EXT1: variants seen among roughly 807,000 people sequenced by gnomAD.
EXT1 encodes exostosin glycosyltransferase 1, also known as exostosin-1.
Under a neutral mutation model 82.5 loss-of-function variants are expected in EXT1, and 20 were observed. The observed-to-expected ratio is 0.24, with a 90% confidence interval of 0.17 to 0.35. The LOEUF is 0.35. Ranked by LOEUF, EXT1 falls within the 10% of genes least tolerant of loss-of-function variation. The pLI, the probability that EXT1 is intolerant of heterozygous loss-of-function variation, is 1.00. For missense variants in EXT1, 757 were observed against 936.5 expected (o/e 0.81, Z 2.50); for synonymous variants, 348 against 350.8 (o/e 0.99, Z 0.09).
intron 1 of EXT1, among the ~76,000 whole-genome samples, chr8:118,019,492 C>T (rs759455576): frequency 2.0e-5 from 3 of 152,200 alleles, no homozygotes; most frequent in African/African-American, 7.2e-5. Flanking sequence ...CAGCACTAAA[C>T]AGTGAGCAGA....
intron 1 of EXT1, among the ~76,000 whole-genome samples, chr8:118,020,922 C>T (rs541338973): frequency 1.3e-5 from 2 of 152,274 alleles, no homozygotes; most frequent in Non-Finnish European, 2.9e-5. Context: ...TTCGGCATCA[C>T]GTGGGGAAGA....
intron 1 of EXT1, among the ~76,000 whole-genome samples, chr8:118,103,389 C>A (rs1220360286): frequency 6.6e-6 from 1 of 152,136 alleles, no homozygotes; most frequent in Non-Finnish European, 1.5e-5. Flanking sequence ...TGGGCTCAAG[C>A]AATCCTCCCG....
In EXT1 at chr8:118,110,566, A is replaced by C. The variant is rs1817879402; in HGVS notation, c.481T>G (p.Leu161Val). The change falls in exon 1 of 11, where the codon TTA (leucine) becomes GTA (valine). Residue 161 changes from leucine (L) to valine (V), a missense_variant. Leu to Val is a conservative substitution (Grantham distance 32). This residue lies in a region of EXT1 where 247 missense variants were observed against 330.1 expected (regional missense o/e 0.75). Coordinates refer to ENST00000378204, the MANE Select transcript of EXT1 (RefSeq NM_000127.3). ...ACLFVLSLDT[L>V]DRDQLSPQYV... is the part of the protein sequence containing the mutation. ...TGAGGTGACAACTGGTCTCTGTCTA[A>C]AGTATCCAGACTCAGGACAAAGAGG... The C allele has an allele frequency of 1.2e-6, 2 of 1,614,160 alleles. No homozygotes were observed. The highest frequency in any genetic ancestry group is 8.5e-7 in the Non-Finnish European group (1 of 1,180,024).
At chr8:117,978,097 T>C (rs956483201) in intron 1 of EXT1, among the ~76,000 whole-genome samples, 1 of 152,230 alleles carries the variant, frequency 6.6e-6, no homozygotes, top group African/African-American at 2.4e-5. Flanking sequence ...CTATCTGCTC[T>C]GTCCCCAGGA....
chr8:117,945,769 C>G (rs1814375377), intron 1 of EXT1, among the ~76,000 whole-genome samples: 1 of 152,104 alleles, frequency 6.6e-6, no homozygotes, highest in Admixed American at 6.6e-5. Context: ...TCCCAAAGTG[C>G]TAGGATTAGG....
intron 1 of EXT1, among the ~76,000 whole-genome samples, chr8:117,858,766 A>AAGGAAAGAAGGAAGGAAGGCAGGC: frequency 3.7e-5 from 2 of 54,682 alleles, no homozygotes; most frequent in African/African-American, 2.0e-4. Flanking sequence ...GGAAGGAAGG[A>AAGGAAAGAAGGAAGGAAGGCAGGC]AGGCAGGCAG....
chr8:117,985,131 C>A (rs1311871548), intron 1 of EXT1, among the ~76,000 whole-genome samples: 2 of 152,100 alleles, frequency 1.3e-5, no homozygotes, highest in Non-Finnish European at 1.5e-5. Flanking sequence ...TTTTGAACAC[C>A]GAACCGCTAA....
At chr8:118,109,026 T>C (rs1817844012) in intron 1 of EXT1, among the ~76,000 whole-genome samples, 1 of 152,112 alleles carries the variant, frequency 6.6e-6, no homozygotes, top group Non-Finnish European at 1.5e-5. Context: ...CAGCCAGATG[T>C]AAGTGAGAGT....
chr8:117,967,399 T>C (rs767134126), intron 1 of EXT1, among the ~76,000 whole-genome samples: 59 of 152,214 alleles, frequency 3.9e-4, no homozygotes, highest in Middle Eastern at 3.2e-3. Context: ...ATGCTGCTCT[T>C]TCCTCAGACC....
intron 1 of EXT1, among the ~76,000 whole-genome samples, chr8:118,049,665 T>C (rs1223623539): frequency 2.0e-5 from 3 of 152,232 alleles, no homozygotes; most frequent in Non-Finnish European, 4.4e-5. Context: ...GTTCTCTGTT[T>C]GCTGTTCTTG....
At chr8:117,980,414 C>T (rs1406185902) in intron 1 of EXT1, among the ~76,000 whole-genome samples, 1 of 152,174 alleles carries the variant, frequency 6.6e-6, no homozygotes, top group Non-Finnish European at 1.5e-5. Context: ...GCAGGAGCAC[C>T]CATTTCACTT....
intron 1 of EXT1, among the ~76,000 whole-genome samples, chr8:117,840,428 C>A (rs1297960718): frequency 6.6e-6 from 1 of 152,088 alleles, no homozygotes; most frequent in Non-Finnish European, 1.5e-5. Context: ...GTCTGGCCAA[C>A]ATGGTGTAAC....
chr8:118,003,267 G>C (rs1376547616), intron 1 of EXT1, among the ~76,000 whole-genome samples: 1 of 152,028 alleles, frequency 6.6e-6, no homozygotes, highest in Non-Finnish European at 1.5e-5. Context: ...GTGGGAGAGG[G>C]ATGAGGAATA....
At chr8:117,923,698 C>T (rs1813902174) in intron 1 of EXT1, among the ~76,000 whole-genome samples, 1 of 150,700 alleles carries the variant, frequency 6.6e-6, no homozygotes, top group African/African-American at 2.4e-5. Context: ...TGCACTCCAG[C>T]TGGGGTGACA....
chr8:117,934,976 C>T (rs1814131204), intron 1 of EXT1, among the ~76,000 whole-genome samples: 1 of 152,154 alleles, frequency 6.6e-6, no homozygotes, highest in Non-Finnish European at 1.5e-5. Flanking sequence ...CAGAACACAG[C>T]TTAAACAGTG....
At chr8:118,014,279 G>A (rs1286730918) in intron 1 of EXT1, among the ~76,000 whole-genome samples, 1 of 151,576 alleles carries the variant, frequency 6.6e-6, no homozygotes, top group African/African-American at 2.4e-5. Context: ...ATGGATTTCT[G>A]GGAAAAAATC....
intron 1 of EXT1, among the ~76,000 whole-genome samples, chr8:118,059,368 G>C (rs1277335575): frequency 6.6e-6 from 1 of 152,138 alleles, no homozygotes; most frequent in Non-Finnish European, 1.5e-5. Context: ...AATGAGACTT[G>C]GAAAGTGAAC....
intron 1 of EXT1, 73 bp downstream of exon 1, chr8:118,110,012 C>T: frequency 6.2e-7 from 1 of 1,610,854 alleles, no homozygotes; most frequent in Non-Finnish European, 8.5e-7. Flanking sequence ...CCCCATCCCC[C>T]AACTTCACAC....
chr8:117,980,655 A>T (rs1463914529), intron 1 of EXT1, among the ~76,000 whole-genome samples: 1 of 142,732 alleles, frequency 7.0e-6, no homozygotes, highest in South Asian at 2.3e-4. Context: ...TTTAACCCAG[A>T]TGGTCTTTTA....
Sources: gnomAD v4.1 joint callset for allele counts (sites outside exome capture counted in the v4.1 genomes callset) on GRCh38, gnomAD v4.1.1 for gene constraint, gnomAD v4.1.1 regional missense constraint, MANE v1.5 for transcripts, NCBI Gene and HGNC (gene_info 2026-07-23, HGNC 2026-07-21) for gene names.